TSC22D3: variants seen among roughly 807,000 people sequenced by gnomAD.
The protein encoded by TSC22D3 is TSC22 domain family protein 3.
TSC22D3 carries 4 observed loss-of-function variants against 11.1 expected under a neutral mutation model. That is an observed-to-expected ratio of 0.36 (90% CI 0.18 to 0.83). TSC22D3 has a LOEUF of 0.83. Among genes scored for constraint, TSC22D3 ranks in the 40% least tolerant of loss-of-function variants. TSC22D3 has a pLI of 0.48. For missense variants in TSC22D3, 118 were observed against 159.4 expected, an observed-to-expected ratio of 0.74 and a Z score of 1.40; for synonymous variants, 77 against 70.3, an observed-to-expected ratio of 1.10 and a Z score of -0.48.
chrX:107,745,961 C>T (rs1928630664), intron 1 of TSC22D3, among the ~76,000 whole-genome samples: 1 of 112,321 alleles, frequency 8.9e-6, no homozygotes, highest in South Asian at 3.7e-4. Flanking sequence ...CTCAATAGAA[C>T]TAAAAACAAG....
chrX:107,757,148 T>C (rs1929214832), intron 1 of TSC22D3, among the ~76,000 whole-genome samples: 1 of 112,910 alleles, frequency 8.9e-6, no homozygotes, highest in South Asian at 3.6e-4. Context: ...GTATGTAGAT[T>C]GCCTTCGAGC....
chrX:107,741,291 A>G (rs1928390562), intron 1 of TSC22D3, among the ~76,000 whole-genome samples: 2 of 112,315 alleles, frequency 1.8e-5, no homozygotes, highest in Admixed American at 9.3e-5. Context: ...GACTGGGAGA[A>G]GGGGCGAAGC....
chrX:107,752,125 G>A (rs974304452), intron 1 of TSC22D3, among the ~76,000 whole-genome samples: 3 of 112,117 alleles, frequency 2.7e-5, no homozygotes, highest in Non-Finnish European at 5.6e-5. Context: ...GCGGCGGGGG[G>A]TAGCATGAAG....
intron 1 of TSC22D3, among the ~76,000 whole-genome samples, chrX:107,753,615 C>T (rs746999956): frequency 1.8e-5 from 2 of 111,754 alleles, no homozygotes; most frequent in South Asian, 3.8e-4. Context: ...GGTACCATTA[C>T]GCAGACCCCT....
At chrX:107,763,459 G>T (rs978422748) in intron 1 of TSC22D3, among the ~76,000 whole-genome samples, 4 of 111,067 alleles carry the variant, frequency 3.6e-5, no homozygotes, top group Non-Finnish European at 7.6e-5. Flanking sequence ...ACTCTTTGGG[G>T]CCCCTTGATC....
intron 1 of TSC22D3, chrX:107,722,110 AC>A (rs1187951484): frequency 1.3e-5 from 4 of 307,908 alleles, no homozygotes; most frequent in Non-Finnish European, 2.3e-5. Context: ...GATCATGTGA[AC>A]TGCCCTGCAT....
At chrX:107,774,979 G>C in intron 1 of TSC22D3, 121 bp downstream of exon 1, 2 of 828,695 alleles carry the variant, frequency 2.4e-6, no homozygotes, top group Non-Finnish European at 3.4e-6. Context: ...ACTGTAGCCT[G>C]AGTCAGACCT....
At chrX:107,746,160 C>T (rs1031103240) in intron 1 of TSC22D3, among the ~76,000 whole-genome samples, 1 of 111,366 alleles carries the variant, frequency 9.0e-6, no homozygotes, top group African/African-American at 3.3e-5. Flanking sequence ...GGAGTCACCC[C>T]CGCTTTGTTG....
At chrX:107,717,121 CA>C (rs1466990837) in intron 1 of TSC22D3, 1 of 878,908 alleles carries the variant, frequency 1.1e-6, no homozygotes, top group Non-Finnish European at 1.4e-6. Flanking sequence ...CACATGGCGT[CA>C]GGGGCCATGC....
chrX:107,734,510 G>T lies in TSC22D3; in HGVS notation c.321-18560C>A, dbSNP rs73636313. ...TGGCAACGCATGGTCTCATTTTTTG[G>T]CCCCTGCCACCTGTCTGTCTCCCTC... is the stretch of plus-strand genomic sequence containing the variant. On this transcript the variant is annotated intron_variant, in intron 1 of 2. Coordinates refer to ENST00000372383, the MANE Select transcript of TSC22D3 (RefSeq NM_198057.3). Among the ~76,000 whole-genome samples the T allele has an allele frequency of 6.0e-3, 670 of 111,654 alleles. 4 individuals carry two copies. The highest frequency in any genetic ancestry group is 0.021 in the African/African-American group (635 of 30,633).
intron 1 of TSC22D3, among the ~76,000 whole-genome samples, chrX:107,743,832 A>G (rs1928537513): frequency 9.0e-6 from 1 of 111,259 alleles, no homozygotes; most frequent in Non-Finnish European, 1.9e-5. Context: ...GTGAGGGGGG[A>G]ATCAACAGGG....
At chrX:107,724,519 A>G (rs1927514893) in intron 1 of TSC22D3, among the ~76,000 whole-genome samples, 1 of 113,475 alleles carries the variant, frequency 8.8e-6, no homozygotes, top group South Asian at 3.6e-4. Context: ...AGAGTGGGGC[A>G]TCCGCCCCCC....
chrX:107,721,355 C>G (rs780945068), intron 1 of TSC22D3, among the ~76,000 whole-genome samples: 1 of 111,985 alleles, frequency 8.9e-6, no homozygotes, highest in Non-Finnish European at 1.9e-5. Flanking sequence ...GCCCTTCCTA[C>G]GTCAGGTTCC....
At chrX:107,754,933 A>G (rs2147776490) in intron 1 of TSC22D3, among the ~76,000 whole-genome samples, 1 of 111,907 alleles carries the variant, frequency 8.9e-6, no homozygotes, top group East Asian at 2.8e-4. Context: ...CCAGGCCTAA[A>G]TGGGTTAATT....
At chrX:107,761,526 C>G (rs939242718) in intron 1 of TSC22D3, among the ~76,000 whole-genome samples, 1 of 112,539 alleles carries the variant, frequency 8.9e-6, no homozygotes, top group African/African-American at 3.2e-5. Context: ...AATTTTCACG[C>G]ATTAGTTCTT....
Position 107,775,636 on chromosome X carries a change from C to G in TSC22D3, c.-217G>C, listed in dbSNP as rs1018536458. On this transcript the variant is annotated 5_prime_UTR_variant, in exon 1 of 3. Transcript: ENST00000372383. Reference sequence around the variant, plus strand: ...ATAGAAACAGCTGGACAAACAGCTCCGAGCGGATCCTTCGGGCTCACTTCC... The same window carrying G: ...ATAGAAACAGCTGGACAAACAGCTCGGAGCGGATCCTTCGGGCTCACTTCC... 2.4e-5 allele frequency: 8 copies of G among 329,908 alleles called. No individual in the cohort carries two copies. The highest frequency in any genetic ancestry group is 2.4e-4 in the South Asian group (3 of 12,445). 27.2% of individuals were successfully genotyped at this position (329,908 alleles called of 1,213,427 possible).
chrX:107,775,334 A>T lies in TSC22D3; in HGVS notation c.86T>A (p.Leu29His). ...GTTCTCCCCGCTGCTGCCTCGCTGG[A>T]GCCCACTCCGATGGGCCAGGTCCAG... ...CCLDLAHRSG[L>H]QRGSSGENNN... Residue 29 changes from leucine to histidine, a missense_variant, in exon 1 of 3, where the codon CTC becomes CAC. Coordinates refer to ENST00000372383, the MANE Select transcript of TSC22D3 (RefSeq NM_198057.3). The T allele has an allele frequency of 8.3e-7, 1 of 1,210,431 alleles. No individual in the cohort carries two copies. The highest frequency in any genetic ancestry group is 1.1e-6 in the Non-Finnish European group (1 of 894,857).
intron 1 of TSC22D3, among the ~76,000 whole-genome samples, chrX:107,754,028 G>C (rs899430320): frequency 4.6e-5 from 5 of 109,476 alleles, no homozygotes; most frequent in African/African-American, 1.7e-4. Context: ...TGATTCTCCT[G>C]TCTCAGCCTC....
intron 1 of TSC22D3, among the ~76,000 whole-genome samples, chrX:107,763,600 C>G (rs980559764): frequency 3.6e-5 from 4 of 111,847 alleles, no homozygotes; most frequent in Non-Finnish European, 7.5e-5. Flanking sequence ...GAAAGGAGTG[C>G]AGCCTGAAGC....
Sources: gnomAD v4.1 joint callset for allele counts (sites outside exome capture counted in the v4.1 genomes callset) on GRCh38, gnomAD v4.1.1 for gene constraint, MANE v1.5 for transcripts, NCBI Gene and HGNC (gene_info 2026-07-23, HGNC 2026-07-21) for gene names.